The following PCSK2 variants were observed in gnomAD, a reference collection of about 807,000 sequenced individuals.
PCSK2 encodes the protein proprotein convertase subtilisin/kexin type 2, also known as neuroendocrine convertase 2.
In PCSK2, 14 loss-of-function variants were observed where a neutral mutation model predicts 69.7. The observed-to-expected ratio is 0.20, with a 90% CI of 0.13 to 0.31. PCSK2 has a LOEUF of 0.31. PCSK2 is among the 10% of genes least tolerant of loss of function. PCSK2 has a pLI of 1.00. For synonymous variants in PCSK2, 307 were observed against 320.7 expected (o/e 0.96, Z 0.46); for missense variants, 544 against 842.5 (o/e 0.65, Z 4.39).
intron 5 of PCSK2, among the ~76,000 whole-genome samples, chr20:17,372,385 T>TAATAAATAAATA (rs58399065): frequency 1.1e-4 from 15 of 141,908 alleles, no homozygotes; most frequent in South Asian, 2.3e-4. Flanking sequence ...TCTTGAAAAA[T>TAATAAATAAATA]AATAAATAAA....
At chr20:17,472,466 G>A (rs1348831516) in intron 11 of PCSK2, among the ~76,000 whole-genome samples, 8 of 152,360 alleles carry the variant, frequency 5.3e-5, no homozygotes, top group South Asian at 2.1e-4. Flanking sequence ...GCTGCGTGTC[G>A]TCATGTGACT....
chr20:17,352,184 C>T (rs770824462), intron 2 of PCSK2, among the ~76,000 whole-genome samples: 1 of 152,132 alleles, frequency 6.6e-6, no homozygotes, highest in South Asian at 2.1e-4. Flanking sequence ...CAAAACACTG[C>T]TGAAAAAAGT....
chr20:17,300,088 T>A (rs1253069519), intron 2 of PCSK2, among the ~76,000 whole-genome samples: 2 of 152,222 alleles, frequency 1.3e-5, no homozygotes, highest in African/African-American at 4.8e-5. Context: ...AGATTTGCTC[T>A]GGTTTTATTT....
chr20:17,324,269 G>C (rs1989970431), intron 2 of PCSK2, among the ~76,000 whole-genome samples: 1 of 151,964 alleles, frequency 6.6e-6, no homozygotes, highest in Non-Finnish European at 1.5e-5. Context: ...ATAACCACTG[G>C]CTCCAATCTG....
At chr20:17,451,968 G>T (rs1359990733) in intron 8 of PCSK2, among the ~76,000 whole-genome samples, 1 of 145,104 alleles carries the variant, frequency 6.9e-6, no homozygotes, top group African/African-American at 2.6e-5. Context: ...ACCCGGGCTG[G>T]AGTGCAGTGG....
At chr20:17,302,141 G>A (rs999948771) in intron 2 of PCSK2, among the ~76,000 whole-genome samples, 1 of 152,016 alleles carries the variant, frequency 6.6e-6, no homozygotes, top group Non-Finnish European at 1.5e-5. Context: ...CAGGCCTTGA[G>A]AAAACAAGAA....
At chr20:17,374,205 C>G (rs538243841) in intron 5 of PCSK2, among the ~76,000 whole-genome samples, 1 of 152,092 alleles carries the variant, frequency 6.6e-6, no homozygotes, top group African/African-American at 2.4e-5. Flanking sequence ...CTAGAGAAGT[C>G]GGCAGGTCAG....
intron 2 of PCSK2, among the ~76,000 whole-genome samples, chr20:17,302,186 C>T (rs1024585628): frequency 8.5e-5 from 13 of 152,068 alleles, no homozygotes; most frequent in Admixed American, 3.9e-4. Context: ...GTTTTGTGCT[C>T]AAGTCAAAAC....
In PCSK2 at chr20:17,429,523, G is replaced by A; in HGVS notation, c.709G>A (p.Gly237Ser). 1 of 1,608,712 alleles carries A rather than the reference G, an allele frequency of 6.2e-7. No individual in the cohort carries two copies. Among genetic ancestry groups the A allele is most frequent in the Non-Finnish European group, 8.5e-7 (1 of 1,175,554 alleles). The stretch of plus-strand genomic sequence containing the variant: ...AGTAGCATACAACTCCAAGGTTGCA[G>A]GTAAGCCATCCCTGCCAAACAGAGG... ...VGVAYNSKVA[G>S]IRMLDQPFMT... The change falls in exon 7 of 12, where the codon GGC (glycine) becomes AGC (serine). Residue 237 changes from glycine to serine, a missense_variant and splice_region_variant. Gly to Ser is a moderately conservative substitution (Grantham distance 56). Transcript: ENST00000262545.
At position 17,407,112 on chromosome 20, in the gene PCSK2, G is replaced by A. The variant is rs985932159; in HGVS notation, c.544-2151G>A. Reference sequence around the variant, plus strand: ...CTCCCTGCTCTCCACTGGGGATCAAGGGAATGCAGGATGGAGCTGCCCCAA... The same window carrying A: ...CTCCCTGCTCTCCACTGGGGATCAAAGGAATGCAGGATGGAGCTGCCCCAA... On this transcript the variant is annotated intron_variant, in intron 5 of 11. Transcript: ENST00000262545. Among the ~76,000 whole-genome samples, 3 of 152,166 alleles carry A rather than the reference G, an allele frequency of 2.0e-5. No homozygotes were observed. In the East Asian group the frequency reaches 5.8e-4, roughly 29 times the overall value.
intron 1 of PCSK2, among the ~76,000 whole-genome samples, chr20:17,251,263 T>C (rs1024995004): frequency 6.6e-6 from 1 of 152,202 alleles, no homozygotes; most frequent in African/African-American, 2.4e-5. Flanking sequence ...TTTTATTTTA[T>C]TAAATCTTAA....
In PCSK2 at chr20:17,232,877, G is replaced by T. The variant is rs140519760; in HGVS notation, c.177+5395G>T. ...GAAGACTTTAAGGGACAGTTCTTCT[G>T]GAACTAAAAGATTTTCCACAGTAGC... On this transcript the variant is annotated intron_variant, in intron 1 of 11. Transcript: ENST00000262545. Among the ~76,000 whole-genome samples the T allele has an allele frequency of 3.1e-3, 479 of 152,252 alleles. 3 individuals are homozygous for T. Among genetic ancestry groups the T allele is most frequent in the African/African-American group, 0.011 (456 of 41,552 alleles).
intron 2 of PCSK2, among the ~76,000 whole-genome samples, chr20:17,272,726 C>A (rs575768887): frequency 1.1e-4 from 17 of 152,110 alleles, no homozygotes; most frequent in Non-Finnish European, 2.1e-4. Context: ...ACACTGACCC[C>A]ATATTAAAAG....
intron 1 of PCSK2, among the ~76,000 whole-genome samples, chr20:17,227,907 G>A (rs1302582823): frequency 6.6e-6 from 1 of 152,100 alleles, no homozygotes; most frequent in East Asian, 1.9e-4. Flanking sequence ...TCCTACAGAC[G>A]AGGCTGGACG....
At chr20:17,298,042 T>C (rs1988956437) in intron 2 of PCSK2, among the ~76,000 whole-genome samples, 1 of 152,228 alleles carries the variant, frequency 6.6e-6, no homozygotes, top group Admixed American at 6.5e-5. Flanking sequence ...ATTGCTCTTT[T>C]CCTTCCTCTT....
At chr20:17,332,191 T>G (rs1048990353) in intron 2 of PCSK2, among the ~76,000 whole-genome samples, 1 of 152,256 alleles carries the variant, frequency 6.6e-6, no homozygotes, top group South Asian at 2.1e-4. Flanking sequence ...AATGACTGGT[T>G]GAGGTTTGGC....
At position 17,358,363 on chromosome 20, in the gene PCSK2, A is replaced by G. The variant is rs1410724696; in HGVS notation, c.319A>G (p.Lys107Glu). 1.2e-6 allele frequency: 2 copies of G among 1,613,212 alleles called. No individual in the cohort carries two copies. The highest frequency in any genetic ancestry group is 4.5e-5 in the East Asian group (2 of 44,854). ...MALQQEGFDRKKRGYRDINEI... is the reference protein window; with the variant it reads ...MALQQEGFDREKRGYRDINEI... Reference sequence around the variant, plus strand: ...TTTGCAGCAGGAAGGATTTGACCGAAAAAAGCGAGGTTACAGAGACATCAA... The same window carrying G: ...TTTGCAGCAGGAAGGATTTGACCGAGAAAAGCGAGGTTACAGAGACATCAA... The change falls in exon 3 of 12, where the codon AAA becomes GAA. Residue 107 changes from lysine to glutamate, a missense_variant. Transcript: ENST00000262545.
At chr20:17,408,343 T>C (rs2031797105) in intron 5 of PCSK2, among the ~76,000 whole-genome samples, 1 of 151,780 alleles carries the variant, frequency 6.6e-6, no homozygotes. Context: ...GTGGATCATC[T>C]CCCATTACAG....
intron 2 of PCSK2, among the ~76,000 whole-genome samples, chr20:17,334,475 G>T (rs1246850821): frequency 1.3e-5 from 2 of 152,176 alleles, no homozygotes; most frequent in African/African-American, 4.8e-5. Flanking sequence ...TGCAGTTAGT[G>T]GTGCTTCTCT....
Sources: gnomAD v4.1 joint callset for allele counts (sites outside exome capture counted in the v4.1 genomes callset) on GRCh38, gnomAD v4.1.1 for gene constraint, MANE v1.5 for transcripts, NCBI Gene and HGNC (gene_info 2026-07-23, HGNC 2026-07-21) for gene names.